Variants in RUNX1 observed in about 807,000 individuals in gnomAD.
The protein encoded by RUNX1 is RUNX family transcription factor 1.
Under a neutral mutation model 42.8 loss-of-function variants are expected in RUNX1, and 19 were observed. The observed-to-expected ratio is 0.44, with a 90% confidence interval of 0.31 to 0.65. RUNX1 has a LOEUF of 0.65. Ranked by LOEUF, RUNX1 falls within the 30% of genes least tolerant of loss-of-function variation. RUNX1 has a pLI of 0.07. For missense variants in RUNX1, 528 were observed against 672.0 expected (o/e 0.79, Z 2.37); for synonymous variants, 271 against 289.4 (o/e 0.94, Z 0.64).
At chr21:34,916,308 A>G (rs1220555277) in intron 2 of RUNX1, among the ~76,000 whole-genome samples, 1 of 152,220 alleles carries the variant, frequency 6.6e-6, no homozygotes, top group Non-Finnish European at 1.5e-5. Context: ...GAGTTCTGGA[A>G]GAAAGCAACA....
chr21:34,892,415 T>C (rs1182232570), intron 3 of RUNX1, among the ~76,000 whole-genome samples: 1 of 152,226 alleles, frequency 6.6e-6, no homozygotes, highest in African/African-American at 2.4e-5. Flanking sequence ...CCTTCCTCCA[T>C]CTGAATGTTT....
At chr21:35,032,761 C>T (rs2059281784) in intron 2 of RUNX1, among the ~76,000 whole-genome samples, 1 of 152,246 alleles carries the variant, frequency 6.6e-6, no homozygotes, top group Non-Finnish European at 1.5e-5. Context: ...CTCTAATATT[C>T]CCACATACAG....
chr21:34,889,847 C>T, intron 3 of RUNX1: 1 of 1,095,464 alleles, frequency 9.1e-7, no homozygotes, highest in Non-Finnish European at 1.1e-6. Flanking sequence ...CCATGAGTCC[C>T]TCCACGCCCT....
At chr21:35,003,050 G>A (rs989654757) in intron 2 of RUNX1, among the ~76,000 whole-genome samples, 15 of 152,188 alleles carry the variant, frequency 9.9e-5, no homozygotes, top group African/African-American at 3.6e-4. Flanking sequence ...CACACCCAAA[G>A]AAGTGGTGAG....
chr21:35,023,808 T>C (rs931174447), intron 2 of RUNX1, among the ~76,000 whole-genome samples: 1 of 152,056 alleles, frequency 6.6e-6, no homozygotes, highest in Non-Finnish European at 1.5e-5. Flanking sequence ...TGGGTGGAAG[T>C]GAGAATAAGG....
At chr21:34,983,639 G>C (rs2058863473) in intron 2 of RUNX1, among the ~76,000 whole-genome samples, 1 of 152,124 alleles carries the variant, frequency 6.6e-6, no homozygotes, top group South Asian at 2.1e-4. Context: ...AGATTACTAA[G>C]AATCCTAGAA....
chr21:35,008,431 G>A (rs963059046), intron 2 of RUNX1, among the ~76,000 whole-genome samples: 2 of 152,176 alleles, frequency 1.3e-5, no homozygotes, highest in African/African-American at 4.8e-5. Flanking sequence ...GGTGACTTGA[G>A]GCAAAGACAA....
Position 35,026,575 on chromosome 21 carries a change from G to A in RUNX1, c.58+22267C>T, listed in dbSNP as rs1021759653. On this transcript the variant is annotated intron_variant, in intron 2 of 8. Transcript: ENST00000675419. ...TAACCAGGTCAAAGCATTACATACT[G>A]CAGAAGAGAAAGCAACTTCAGCTTC... Among the ~76,000 whole-genome samples, 3 of 152,114 alleles carry A rather than the reference G, an allele frequency of 2.0e-5. No individual in the cohort carries two copies. The East Asian group carries it at 5.8e-4, about 29-fold the overall frequency.
intron 5 of RUNX1, 91 bp from the exon 6 acceptor site, chr21:34,859,669 C>G: frequency 9.2e-7 from 1 of 1,083,884 alleles, no homozygotes; most frequent in East Asian, 2.4e-5. Flanking sequence ...TGCTGTCCAG[C>G]CCTTCAGCAC....
chr21:35,018,714 T>C (rs530211276), intron 2 of RUNX1, among the ~76,000 whole-genome samples: 103 of 152,182 alleles, frequency 6.8e-4, no homozygotes, highest in African/African-American at 2.3e-3. Flanking sequence ...TTGAAAAAGG[T>C]GCCCCTTCCT....
At chr21:34,851,184 T>C (rs2146190849) in intron 6 of RUNX1, among the ~76,000 whole-genome samples, 1 of 152,288 alleles carries the variant, frequency 6.6e-6, no homozygotes, top group South Asian at 2.1e-4. Flanking sequence ...TCAGAACAAA[T>C]TAGAAAGCCC....
chr21:34,933,766 GGAGTTT>G (rs2146605477), intron 2 of RUNX1, among the ~76,000 whole-genome samples: 1 of 152,282 alleles, frequency 6.6e-6, no homozygotes, highest in South Asian at 2.1e-4. Context: ...TCAGTGCCTG[GGAGTTT>G]GTCTTGCTTC....
At chr21:35,009,295 T>C (rs983132419) in intron 2 of RUNX1, among the ~76,000 whole-genome samples, 3 of 152,246 alleles carry the variant, frequency 2.0e-5, no homozygotes, top group Non-Finnish European at 4.4e-5. Context: ...AAATGTTATA[T>C]GATTTTAAAG....
chr21:35,044,463 G>T (rs929907175), intron 2 of RUNX1, among the ~76,000 whole-genome samples: 1 of 152,054 alleles, frequency 6.6e-6, no homozygotes, highest in African/African-American at 2.4e-5. Context: ...AGATTAATTC[G>T]GTCCACACAG....
chr21:34,821,332 T>G (rs781487269), intron 7 of RUNX1: 191 of 1,172,470 alleles, frequency 1.6e-4, no homozygotes, highest in Middle Eastern at 3.5e-4. Context: ...TGTACCGGGA[T>G]CCATGCTAAA....
At chr21:34,824,487 G>A (rs148455417) in intron 7 of RUNX1, among the ~76,000 whole-genome samples, 1 of 152,280 alleles carries the variant, frequency 6.6e-6, no homozygotes, top group East Asian at 1.9e-4. Context: ...AAAAGAAACT[G>A]GGTTTGTCAG....
chr21:34,814,111 G>A (rs2056793476), intron 7 of RUNX1, among the ~76,000 whole-genome samples: 1 of 152,204 alleles, frequency 6.6e-6, no homozygotes, highest in Non-Finnish European at 1.5e-5. Flanking sequence ...ACCTTTGCCT[G>A]CTTATAGCTC....
chr21:35,021,388 AT>A (rs951581637), intron 2 of RUNX1, among the ~76,000 whole-genome samples: 3 of 152,136 alleles, frequency 2.0e-5, no homozygotes, highest in Non-Finnish European at 4.4e-5. Flanking sequence ...CTAGGTGCTG[AT>A]TTTTTTCTCT....
chr21:35,041,217 C>G (rs1028891367), intron 2 of RUNX1, among the ~76,000 whole-genome samples: 1 of 152,228 alleles, frequency 6.6e-6, no homozygotes, highest in African/African-American at 2.4e-5. Flanking sequence ...AAAGTAGAAT[C>G]TTTGCAAAAT....
Sources: gnomAD v4.1 joint callset for allele counts (sites outside exome capture counted in the v4.1 genomes callset) on GRCh38, gnomAD v4.1.1 for gene constraint, MANE v1.5 for transcripts, NCBI Gene and HGNC (gene_info 2026-07-23, HGNC 2026-07-21) for gene names.